The following ZNF768 variants were observed in gnomAD, a reference collection of about 807,000 sequenced individuals.
ZNF768 encodes the protein zinc finger protein 768.
In ZNF768, 12 loss-of-function variants were observed where a neutral mutation model predicts 39.7. The ratio of observed to expected loss-of-function variants is 0.30; its 90% CI spans 0.19 to 0.49. The LOEUF is 0.49. ZNF768 is among the 20% of genes least tolerant of loss of function. The pLI is 0.99. For missense variants in ZNF768, 613 were observed against 723.2 expected, an observed-to-expected ratio of 0.85 and a Z score of 1.75; for synonymous variants, 360 against 288.4, an observed-to-expected ratio of 1.25 and a Z score of -2.52.
Position 30,525,810 on chromosome 16 carries a change from C to T in ZNF768, c.330G>A (p.Gln110=). The change falls in exon 2 of 2, where the codon CAG becomes CAA. Residue 110 remains glutamine (Q), a synonymous_variant. Coordinates refer to ENST00000380412, the MANE Select transcript of ZNF768 (RefSeq NM_024671.4). ...FAPRSPESDS[Q]SPEFESQSPR... ...GGCTCTGGGATTCAAACTCAGGGCT[C>T]TGAGAATCTGATTCAGGGCTTCTGG... The T allele has an allele frequency of 1.3e-6, 2 of 1,545,968 alleles. No homozygotes were observed. Among genetic ancestry groups the T allele is most frequent in the Middle Eastern group, 1.9e-4 (1 of 5,358 alleles).
chr16:30,524,624 C>T lies in ZNF768; in HGVS notation c.1516G>A (p.Val506Ile). 2.5e-6 allele frequency: 4 copies of T among 1,612,420 alleles called. No homozygotes were observed. Among genetic ancestry groups the T allele is most frequent in the Non-Finnish European group, 3.4e-6 (4 of 1,179,758 alleles). Residue 506 changes from valine (V) to isoleucine (I), a missense_variant, in exon 2 of 2, where the codon GTC (valine) becomes ATC (isoleucine). Transcript: ENST00000380412. Reference protein sequence around the residue: ...RSSTLLQHHRVHSGERPYKCD... With the variant: ...RSSTLLQHHRIHSGERPYKCD... ...TTGTAAGGCCGCTCGCCACTGTGGA[C>T]CCGGTGATGCTGCAGAAGCGTGGAG...
At position 30,524,848 on chromosome 16, in the gene ZNF768, C is replaced by A; in HGVS notation, c.1292G>T (p.Cys431Phe). The A allele has an allele frequency of 6.2e-7, 1 of 1,610,792 alleles. No individual in the cohort carries two copies. The highest frequency in any genetic ancestry group is 8.5e-7 in the Non-Finnish European group (1 of 1,179,724). The change falls in exon 2 of 2, where the codon TGC becomes TTC. Residue 431 changes from cysteine (C) to phenylalanine (F), a missense_variant. Coordinates refer to ENST00000380412, the MANE Select transcript of ZNF768 (RefSeq NM_024671.4). ...RSHAREKPFK[C>F]PECGKRFGQS... ...GCCAAAGCGCTTGCCGCACTCAGGGCACTTGAAGGGCTTCTCCCGGGCGTG... is the reference window on the plus strand; with the variant it reads ...GCCAAAGCGCTTGCCGCACTCAGGGAACTTGAAGGGCTTCTCCCGGGCGTG...
upstream of ZNF768, among the ~76,000 whole-genome samples, chr16:30,529,379 G>A (rs1161397105): frequency 6.6e-6 from 1 of 152,238 alleles, no homozygotes; most frequent in Non-Finnish European, 1.5e-5. Context: ...CACTAGGGCA[G>A]AGCCATTCAG....
Position 30,526,333 on chromosome 16 carries a change from G to C in ZNF768, c.81C>G (p.Tyr27Ter). The stretch of plus-strand genomic sequence containing the variant: ...CGGGCGCTCCCTCCTCACCTCTGAG[G>C]TACCCTTCGGGGCTCCTCATTTCGT... ...SSDEMRSPEG[Y>*]LRGNMSENEE... is the part of the protein sequence containing the mutation. The change falls in exon 1 of 2, where the codon TAC becomes TAG. Residue 27 changes from tyrosine (Y) to a stop codon, truncating the protein, a stop_gained. Transcript: ENST00000380412. LOFTEE classifies it high-confidence loss of function. 6.2e-7 allele frequency: 1 copy of C among 1,608,998 alleles called. No individual in the cohort carries two copies. The highest frequency in any genetic ancestry group is 8.5e-7 in the Non-Finnish European group (1 of 1,178,036).
rs765267762 is a variant in ZNF768, at chr16:30,524,874, G to C, written c.1266C>G (p.Ser422Arg). The C allele has an allele frequency of 6.2e-7, 1 of 1,611,480 alleles. No homozygotes were observed. Reference sequence around the variant, plus strand: ...ACTTGAAGGGCTTCTCCCGGGCGTGGCTGCGGGCATGGGGGATAAGGGCCG... The same window carrying C: ...ACTTGAAGGGCTTCTCCCGGGCGTGCCTGCGGGCATGGGGGATAAGGGCCG... ...QRSALIPHAR[S>R]HAREKPFKCP... Residue 422 changes from serine to arginine, a missense_variant, in exon 2 of 2, where the codon AGC becomes AGG. Ser to Arg is a moderately radical substitution (Grantham distance 110). Transcript: ENST00000380412.
chr16:30,530,176 G>C (rs1303970183), upstream of ZNF768, among the ~76,000 whole-genome samples: 1 of 152,024 alleles, frequency 6.6e-6, no homozygotes, highest in African/African-American at 2.4e-5. The surrounding 1 kb of genome is among the most constrained non-coding windows in gnomAD (Gnocchi z 4.4). Context: ...CCTACCTCTA[G>C]GTGGAAATAT....
In ZNF768 at chr16:30,525,046, C is replaced by A; in HGVS notation, c.1094G>T (p.Arg365Leu). 6.2e-7 allele frequency: 1 copy of A among 1,614,122 alleles called. No individual in the cohort carries two copies. The highest frequency in any genetic ancestry group is 8.5e-7 in the Non-Finnish European group (1 of 1,180,022). Residue 365 changes from arginine (R) to leucine (L), a missense_variant, in exon 2 of 2, where the codon CGC (arginine) becomes CTC (leucine). Coordinates refer to ENST00000380412, the MANE Select transcript of ZNF768 (RefSeq NM_024671.4). ...GTAGGGCCGCTCGTGGCTGTGGGTG[C>A]GCTGGTGTCGCAGGAGGTAGGAGCT... ...GDSSYLLRHQ[R>L]THSHERPYSC...
chr16:30,526,793 A>AC (rs1013379433), upstream of ZNF768: 56 of 150,846 alleles, frequency 3.7e-4, 1 homozygote, highest in South Asian at 1.2e-3. Flanking sequence ...GCCGCCCAGC[A>AC]CCCCCCCACC....
chr16:30,524,524 C>G lies in ZNF768; in HGVS notation c.1616G>C (p.Arg539Pro), dbSNP rs1284462152. Residue 539 changes from arginine to proline, a missense_variant, in exon 2 of 2, where the codon CGG becomes CCG. Arg to Pro is a moderately radical substitution (Grantham distance 103). Transcript: ENST00000380412. ...IRHQRTHAAGRR is the reference protein window; with the variant it reads ...IRHQRTHAAGPR ...CCCTGCTGGGGCCCCAGGTCAGCGC[C>G]GGCCCGCCGCGTGGGTCCGCTGGTG... is the stretch of plus-strand genomic sequence containing the variant. 1 of 1,606,756 alleles carries G rather than the reference C, an allele frequency of 6.2e-7. No individual in the cohort carries two copies. Among genetic ancestry groups the G allele is most frequent in the Non-Finnish European group, 8.5e-7 (1 of 1,178,398 alleles).
At chr16:30,527,631 C>T (rs1033585452), upstream of ZNF768, 3 of 152,274 alleles carry the variant, frequency 2.0e-5, no homozygotes, top group African/African-American at 7.2e-5. Flanking sequence ...CGGCCTGTGC[C>T]ATCAAAACTT....
chr16:30,525,402 A>C lies in ZNF768; in HGVS notation c.738T>G (p.Gly246=). 1 of 1,614,094 alleles carries C rather than the reference A, an allele frequency of 6.2e-7. No homozygotes were observed. Among genetic ancestry groups the C allele is most frequent in the Non-Finnish European group, 8.5e-7 (1 of 1,180,026 alleles). Residue 246 remains glycine, a synonymous_variant, in exon 2 of 2, where the codon GGT becomes GGG. Coordinates refer to ENST00000380412, the MANE Select transcript of ZNF768 (RefSeq NM_024671.4). The part of the protein sequence containing the change: ...LGLTGALRGP[G]RRGGRARGGQ... ...CACCCCTGGCCCGGCCACCCCGCCGACCTGGACCTCGAAGGGCTCCTGTGA... is the reference window on the plus strand; with the variant it reads ...CACCCCTGGCCCGGCCACCCCGCCGCCCTGGACCTCGAAGGGCTCCTGTGA...
In ZNF768 at chr16:30,525,584, A is replaced by C; in HGVS notation, c.556T>G (p.Leu186Val). ...MLLNPEEKSPLNISVGVHPLD... is the reference protein window; with the variant it reads ...MLLNPEEKSPVNISVGVHPLD... ...GGGTGAACTCCTACGGAGATATTCA[A>C]AGGACTCTTTTCCTCGGGGTTCAGA... The change falls in exon 2 of 2, where the codon TTG (leucine) becomes GTG (valine). Residue 186 changes from leucine (L) to valine (V), a missense_variant. Around this residue, in one of 4 missense-constraint regions of ZNF768, gnomAD observed 347 missense variants for 326.1 expected, o/e 1.06. Transcript: ENST00000380412. The C allele has an allele frequency of 1.2e-6, 2 of 1,614,238 alleles. No homozygotes were observed. Among genetic ancestry groups the C allele is most frequent in the South Asian group, 2.2e-5 (2 of 91,090 alleles).
At chr16:30,527,957 C>G (rs2051343306), upstream of ZNF768, 1 of 152,246 alleles carries the variant, frequency 6.6e-6, no homozygotes, top group East Asian at 1.9e-4. Flanking sequence ...CTGAGAAACA[C>G]TGCCTCGGGC....
Position 30,524,221 on chromosome 16 carries a change from T to G in ZNF768, c.*296A>C. ...TTAGGTAATCCCCTGCCCTCCCCCC[T>G]CCCTGCTCTAGCAGTTGCCAAGCCA... On this transcript the variant is annotated 3_prime_UTR_variant, in exon 2 of 2. Transcript: ENST00000380412. The G allele has an allele frequency of 6.4e-6, 1 of 157,308 alleles. No homozygotes were observed. Among genetic ancestry groups the G allele is most frequent in the Non-Finnish European group, 1.2e-5 (1 of 82,608 alleles). The allele number at this position is 157,308 out of a possible 1,614,324, so 9.7% of individuals were successfully genotyped here. A position where few individuals can be genotyped will look rare whatever the true frequency, so the allele number is the denominator to read the frequency against.
At chr16:30,526,199 C>G in intron 1 of ZNF768, 127 bp downstream of exon 1, 1 of 1,537,084 alleles carries the variant, frequency 6.5e-7, no homozygotes. Context: ...CCCAAGACAC[C>G]CCAGTCCCCG....
At chr16:30,531,155 G>C (rs2051367891), upstream of ZNF768, 1 of 152,186 alleles carries the variant, frequency 6.6e-6, no homozygotes, top group African/African-American at 2.4e-5. Context: ...CTTCTTTGCT[G>C]TACTTTAAGA....
In ZNF768 at chr16:30,525,165, G is replaced by A. The variant is rs759127147; in HGVS notation, c.975C>T (p.Ala325=). The change falls in exon 2 of 2, where the codon GCC becomes GCT. Residue 325 remains alanine (A), a synonymous_variant. Coordinates refer to ENST00000380412, the MANE Select transcript of ZNF768 (RefSeq NM_024671.4). ...RPYKCPRCGK[A]FADSSYLLRH... ...GAAGCAGGTAAGAGCTGTCGGCGAAGGCCTTGCCGCAACGGGGACATTTGT... is the reference window on the plus strand; with the variant it reads ...GAAGCAGGTAAGAGCTGTCGGCGAAAGCCTTGCCGCAACGGGGACATTTGT... 5 of 1,614,154 alleles carry A rather than the reference G, an allele frequency of 3.1e-6. No individual in the cohort carries two copies. The East Asian group carries it at 1.1e-4, about 36-fold the overall frequency.
chr16:30,525,715 T>C lies in ZNF768; in HGVS notation c.425A>G (p.Tyr142Cys), dbSNP rs1202502921. Residue 142 changes from tyrosine (Y) to cysteine (C), a missense_variant, in exon 2 of 2, where the codon TAT (tyrosine) becomes TGT (cysteine). Physicochemically the swap from Tyr to Cys is radical, Grantham distance 194. This residue lies in a region of ZNF768 where 347 missense variants were observed against 326.1 expected (regional missense o/e 1.06). Coordinates refer to ENST00000380412, the MANE Select transcript of ZNF768 (RefSeq NM_024671.4). ...SPGYEPRSPG[Y>C]ESESSRYESQ... is the part of the protein sequence containing the mutation. ...TTCATATCTAGAGCTCTCAGATTCA[T>C]AGCCAGGGCTCCGGGGTTCATACCC... 5 of 1,613,070 alleles carry C rather than the reference T, an allele frequency of 3.1e-6. No individual in the cohort carries two copies. Among genetic ancestry groups the C allele is most frequent in the Non-Finnish European group, 2.5e-6 (3 of 1,179,552 alleles).
rs1227504432 is a variant in ZNF768 at position 30,525,787 on chromosome 16, C to T, written c.353G>A (p.Ser118Asn). The T allele has an allele frequency of 1.9e-6, 3 of 1,563,996 alleles. No homozygotes were observed. Among genetic ancestry groups the T allele is most frequent in the Non-Finnish European group, 2.6e-6 (3 of 1,159,806 alleles). The change falls in exon 2 of 2, where the codon AGC (serine) becomes AAC (asparagine). Residue 118 changes from serine to asparagine, a missense_variant. Transcript: ENST00000380412. ...DSQSPEFESQSPRYEPQSPGY... is the reference protein window; with the variant it reads ...DSQSPEFESQNPRYEPQSPGY... The stretch of plus-strand genomic sequence containing the variant: ...AGGGCTTTGGGGTTCATACCTAGGG[C>T]TCTGGGATTCAAACTCAGGGCTCTG...
Sources: gnomAD v4.1 joint callset for allele counts (sites outside exome capture counted in the v4.1 genomes callset) on GRCh38, gnomAD v4.1.1 for gene constraint, gnomAD v4.1.1 regional missense constraint, Gnocchi (gnomAD v3.1) non-coding constraint, MANE v1.5 for transcripts, NCBI Gene and HGNC (gene_info 2026-07-23, HGNC 2026-07-21) for gene names.